ARHGEF38: variants seen among roughly 807,000 people sequenced by gnomAD.
The protein encoded by ARHGEF38 is Rho guanine nucleotide exchange factor (GEF) 38.
In ARHGEF38, 79 loss-of-function variants were observed where a neutral mutation model predicts 79.9. The ratio of observed to expected loss-of-function variants is 0.99; its 90% CI spans 0.82 to 1.19. ARHGEF38 has a LOEUF of 1.19. Among genes scored for constraint, ARHGEF38 ranks in the 50% most tolerant of loss-of-function variants. ARHGEF38 has a pLI of 0.00. For missense variants in ARHGEF38, 962 were observed against 907.2 expected, an observed-to-expected ratio of 1.06 and a Z score of -0.78; for synonymous variants, 366 against 328.3, an observed-to-expected ratio of 1.11 and a Z score of -1.24.
At chr4:105,613,580 T>C in intron 3 of ARHGEF38, 73 bp downstream of exon 3, 2 of 1,557,106 alleles carry the variant, frequency 1.3e-6, no homozygotes, top group South Asian at 1.2e-5. Flanking sequence ...TTTGCTTTGG[T>C]TTTTTGTTCC....
chr4:105,660,692 G>A (rs939236087), intron 10 of ARHGEF38, among the ~76,000 whole-genome samples: 1 of 152,002 alleles, frequency 6.6e-6, no homozygotes, highest in Non-Finnish European at 1.5e-5. Context: ...CACTCGCCTC[G>A]GCCTTCCAAA....
chr4:105,669,334 A>G (rs918010948), intron 13 of ARHGEF38, among the ~76,000 whole-genome samples: 4 of 152,252 alleles, frequency 2.6e-5, no homozygotes, highest in African/African-American at 9.6e-5. Flanking sequence ...TAATAGATAC[A>G]TAGAACGTTT....
At position 105,678,297 on chromosome 4, in the gene ARHGEF38, T is replaced by C. The variant is rs2149171726; in HGVS notation, c.*360T>C. The C allele has an allele frequency of 1.2e-5, 2 of 171,068 alleles. No individual in the cohort carries two copies. Among genetic ancestry groups the C allele is most frequent in the South Asian group, 1.7e-4 (1 of 5,854 alleles). 10.6% of individuals were successfully genotyped at this position (171,068 alleles called of 1,614,324 possible). Reference sequence around the variant, plus strand: ...CTTTTTTTTTTACTGTATGATGTATTTTGCCTTAAATGTTTTTGTTTTTCA... The same window carrying C: ...CTTTTTTTTTTACTGTATGATGTATCTTGCCTTAAATGTTTTTGTTTTTCA... On this transcript the variant is annotated 3_prime_UTR_variant, in exon 14 of 14. Coordinates refer to ENST00000420470, the MANE Select transcript of ARHGEF38 (RefSeq NM_001242729.2).
intron 3 of ARHGEF38, among the ~76,000 whole-genome samples, chr4:105,621,463 C>T (rs191091622): frequency 6.6e-6 from 1 of 152,278 alleles, no homozygotes; most frequent in African/African-American, 2.4e-5. Flanking sequence ...ATTGTAATTT[C>T]TTGTATGCAT....
At chr4:105,600,540 G>T (rs1727776828) in intron 2 of ARHGEF38, among the ~76,000 whole-genome samples, 1 of 152,056 alleles carries the variant, frequency 6.6e-6, no homozygotes, top group Admixed American at 6.6e-5. Flanking sequence ...TCTCTCTTTT[G>T]TCCACATTAG....
At position 105,679,106 on chromosome 4, in the gene ARHGEF38, T is replaced by C. The variant is rs144716480; in HGVS notation, c.*1169T>C. 3,306 of 583,908 alleles carry C rather than the reference T, an allele frequency of 5.7e-3. 15 individuals are homozygous for C. Among genetic ancestry groups the C allele is most frequent in the Non-Finnish European group, 7.3e-3 (2,724 of 373,754 alleles). The allele number at this position is 583,908 out of a possible 1,614,324, so 36.2% of individuals were successfully genotyped here. A position where few individuals can be genotyped will look rare whatever the true frequency, so the allele number is the denominator to read the frequency against. On this transcript the variant is annotated 3_prime_UTR_variant, in exon 14 of 14. Coordinates refer to ENST00000420470, the MANE Select transcript of ARHGEF38 (RefSeq NM_001242729.2). ...CTTGATCTATTTCTGTTCCACTTCG[T>C]CTTCTACCATCTTGCCGACTTTCCT...
At chr4:105,661,709 G>T (rs1730571927) in intron 10 of ARHGEF38, among the ~76,000 whole-genome samples, 5 of 151,852 alleles carry the variant, frequency 3.3e-5, no homozygotes, top group Admixed American at 2.6e-4. Context: ...CCCAGATCAA[G>T]ATATAATCCC....
At chr4:105,663,289 A>G (rs889932004) in intron 10 of ARHGEF38, among the ~76,000 whole-genome samples, 1 of 152,202 alleles carries the variant, frequency 6.6e-6, no homozygotes, top group Non-Finnish European at 1.5e-5. Flanking sequence ...AATGAGAATA[A>G]TAATGTAAAT....
intron 11 of ARHGEF38, among the ~76,000 whole-genome samples, chr4:105,666,709 G>T (rs554939130): frequency 1.3e-5 from 2 of 152,118 alleles, no homozygotes; most frequent in African/African-American, 4.8e-5. Flanking sequence ...CCGAGCTGAG[G>T]GGGGGAGTAT....
chr4:105,601,019 T>C (rs942618151), intron 2 of ARHGEF38, among the ~76,000 whole-genome samples: 1 of 152,146 alleles, frequency 6.6e-6, no homozygotes, highest in Admixed American at 6.6e-5. Context: ...TTTCTTCCTC[T>C]ACCCTGTTTC....
At chr4:105,600,836 C>T (rs946223658) in intron 2 of ARHGEF38, among the ~76,000 whole-genome samples, 5 of 152,166 alleles carry the variant, frequency 3.3e-5, no homozygotes, top group Non-Finnish European at 5.9e-5. Flanking sequence ...TGGAGTCATC[C>T]TTAACTTTTT....
intron 13 of ARHGEF38, among the ~76,000 whole-genome samples, chr4:105,669,641 A>G (rs1372922259): frequency 1.3e-5 from 2 of 151,740 alleles, no homozygotes; most frequent in African/African-American, 4.8e-5. Context: ...TCATATAATT[A>G]ATCCATTTTT....
intron 9 of ARHGEF38, among the ~76,000 whole-genome samples, chr4:105,658,066 C>G (rs1460390616): frequency 6.6e-6 from 1 of 152,074 alleles, no homozygotes; most frequent in Non-Finnish European, 1.5e-5. Context: ...TTGGGCAGTT[C>G]TATGAAGTTC....
intron 10 of ARHGEF38, among the ~76,000 whole-genome samples, chr4:105,659,677 A>G (rs1730483351): frequency 6.6e-6 from 1 of 152,304 alleles, no homozygotes; most frequent in Non-Finnish European, 1.5e-5. Flanking sequence ...AAGCTTATCA[A>G]CAATTTATAT....
At position 105,631,339 on chromosome 4, in the gene ARHGEF38, T is replaced by C; in HGVS notation, c.656+294T>C. 3 of 1,037,462 alleles carry C rather than the reference T, an allele frequency of 2.9e-6. No individual in the cohort carries two copies. The Middle Eastern group carries it at 1.4e-3, about 479-fold the overall frequency. The allele number at this position is 1,037,462 out of a possible 1,614,324, so 64.3% of individuals were successfully genotyped here. ...GAAGAAAAGCCTCTTCTTAAAGCTA[T>C]TGTAACTTGCCTGGCCCCACGTAGT... On this transcript the variant is annotated intron_variant, in intron 4 of 13. Transcript: ENST00000420470.
intron 2 of ARHGEF38, among the ~76,000 whole-genome samples, chr4:105,592,581 C>G (rs1413997603): frequency 2.6e-5 from 4 of 152,166 alleles, no homozygotes; most frequent in East Asian, 1.9e-4. Flanking sequence ...CAACAACTTA[C>G]TCGAGTGAAG....
intron 13 of ARHGEF38, among the ~76,000 whole-genome samples, chr4:105,676,935 A>G (rs1234339277): frequency 6.6e-6 from 1 of 151,762 alleles, no homozygotes; most frequent in Non-Finnish European, 1.5e-5. Flanking sequence ...TTAGTCTCAG[A>G]AAGCATCGTT....
chr4:105,673,132 T>C (rs1731009573), intron 13 of ARHGEF38, among the ~76,000 whole-genome samples: 1 of 152,114 alleles, frequency 6.6e-6, no homozygotes. Flanking sequence ...TGCTATAGAG[T>C]GTAGCCTAAT....
At chr4:105,642,454 G>A (rs1419227204) in intron 5 of ARHGEF38, among the ~76,000 whole-genome samples, 6 of 152,146 alleles carry the variant, frequency 3.9e-5, no homozygotes, top group Non-Finnish European at 7.4e-5. Flanking sequence ...ATCCCAAAGA[G>A]TGATGAATAA....
Sources: allele counts gnomAD v4.1 joint callset (sites outside exome capture counted in the v4.1 genomes callset), GRCh38; gene constraint gnomAD v4.1.1; transcripts MANE v1.5; gene names NCBI Gene and HGNC (gene_info 2026-07-23, HGNC 2026-07-21).